Variants in PRKAB2 observed in about 807,000 individuals in gnomAD.
PRKAB2 encodes 5'-AMP-activated protein kinase subunit beta-2.
PRKAB2 carries 18 observed loss-of-function variants against 29.8 expected under a neutral mutation model. The observed-to-expected ratio is 0.60, with a 90% CI of 0.42 to 0.89. PRKAB2 has a LOEUF of 0.89. Ranked by LOEUF, PRKAB2 falls within the 40% of genes least tolerant of loss-of-function variation. PRKAB2 has a pLI of 0.00. For synonymous variants in PRKAB2, 136 were observed against 125.9 expected, an observed-to-expected ratio of 1.08 and a Z score of -0.54; for missense variants, 270 against 344.3, an observed-to-expected ratio of 0.78 and a Z score of 1.71.
rs1456686975 is a variant in PRKAB2, at chr1:147,162,475, G to A, written c.637C>T (p.Leu213Phe). 6.2e-7 allele frequency: 1 copy of A among 1,612,220 alleles called. No homozygotes were observed. Residue 213 changes from leucine (L) to phenylalanine (F), a missense_variant, in exon 6 of 8, where the codon CTT (leucine) becomes TTT (phenylalanine). Coordinates refer to ENST00000254101, the MANE Select transcript of PRKAB2 (RefSeq NM_005399.5). ...KSPPILPPHL[L>F]QVILNKDTNI... ...GTGTCTTTGTTAAGAATAACTTGAA[G>A]TAGATGAGGAGGAAGGATGGGTGGG...
Position 147,172,174 on chromosome 1 carries a change from C to T in PRKAB2, c.-23-7G>A. ...GCAGCTCGTCGGGGACCACCTACCG[C>T]GGGGAACGACACCGGGCTGGGAACA... On this transcript the variant is annotated splice_polypyrimidine_tract_variant and splice_region_variant and intron_variant, in intron 1 of 7. Transcript: ENST00000254101. The T allele has an allele frequency of 6.5e-7, 1 of 1,528,654 alleles. No homozygotes were observed. The highest frequency in any genetic ancestry group is 1.2e-5 in the South Asian group (1 of 80,872). 94.7% of individuals were successfully genotyped at this position (1,528,654 alleles called of 1,614,324 possible).
Position 147,167,843 on chromosome 1 carries a change from A to C in PRKAB2, c.247T>G (p.Trp83Gly). 6.2e-7 allele frequency: 1 copy of C among 1,614,208 alleles called. No homozygotes were observed. The change falls in exon 3 of 8, where the codon TGG (tryptophan) becomes GGG (glycine). Residue 83 changes from tryptophan (W) to glycine (G), a missense_variant. Trp to Gly is a radical substitution (Grantham distance 184, BLOSUM62 -2). Transcript: ENST00000254101. ...TQQARPTVIR[W>G]SEGGKEVFIS... ...AAGACCTCCTTGCCTCCTTCAGACCAGCGGATAACAGTGGGCCGGGCCTGC... is the reference window on the plus strand; with the variant it reads ...AAGACCTCCTTGCCTCCTTCAGACCCGCGGATAACAGTGGGCCGGGCCTGC...
chr1:147,165,668 G>A lies in PRKAB2; in HGVS notation c.538+830C>T, dbSNP rs587717130. Among the ~76,000 whole-genome samples, 184 of 151,938 alleles carry A rather than the reference G, an allele frequency of 1.2e-3. 1 individual carries two copies. Among genetic ancestry groups the A allele is most frequent in the Admixed American group, 3.1e-3 (47 of 15,266 alleles). Reference sequence around the variant, plus strand: ...ATAGCAATTGTAAGCAGAGATGAAGGCCTTGGCTCAAATAATATTAGAGGA... The same window carrying A: ...ATAGCAATTGTAAGCAGAGATGAAGACCTTGGCTCAAATAATATTAGAGGA... On this transcript the variant is annotated intron_variant, in intron 5 of 7. Coordinates refer to ENST00000254101, the MANE Select transcript of PRKAB2 (RefSeq NM_005399.5).
rs1224931525 is a variant in PRKAB2, at chr1:147,156,443, T to A, written c.*3122A>T. 1 of 152,352 alleles carries A rather than the reference T, an allele frequency of 6.6e-6. No homozygotes were observed. The highest frequency in any genetic ancestry group is 1.5e-5 in the Non-Finnish European group (1 of 68,018). 9.4% of individuals were successfully genotyped at this position (152,352 alleles called of 1,614,324 possible). On this transcript the variant is annotated 3_prime_UTR_variant, in exon 8 of 8. Transcript: ENST00000254101. ...TTTCAAAGTTTTTATCCCAGACCCA[T>A]TAGATCTACAAGATACTAGAAAGAA...
chr1:147,162,295 A>G (rs1193775962), intron 6 of PRKAB2, 145 bp downstream of exon 6: 15 of 803,058 alleles, frequency 1.9e-5, no homozygotes, highest in Non-Finnish European at 1.8e-5. Flanking sequence ...CCACTGGAAA[A>G]AGGAAATCTG....
intron 2 of PRKAB2, among the ~76,000 whole-genome samples, chr1:147,168,572 A>G (rs1489545630): frequency 6.6e-6 from 1 of 152,228 alleles, no homozygotes; most frequent in Admixed American, 6.5e-5. Flanking sequence ...TTATTTCAGG[A>G]GTAGGAATAA....
Position 147,155,362 on chromosome 1 carries a change from T to C in PRKAB2, c.*4203A>G, listed in dbSNP as rs1044101272. On this transcript the variant is annotated 3_prime_UTR_variant, in exon 8 of 8. Coordinates refer to ENST00000254101, the MANE Select transcript of PRKAB2 (RefSeq NM_005399.5). ...TTTAATTCCCTTCAAAGTAGTCTTATCTCTCCTTTCTGACAGACACAGAGC... is the reference window on the plus strand; with the variant it reads ...TTTAATTCCCTTCAAAGTAGTCTTACCTCTCCTTTCTGACAGACACAGAGC... 6.6e-6 allele frequency: 1 copy of C among 152,554 alleles called. No individual in the cohort carries two copies. Among genetic ancestry groups the C allele is most frequent in the Non-Finnish European group, 1.5e-5 (1 of 68,008 alleles). 9.5% of individuals were successfully genotyped at this position (152,554 alleles called of 1,614,324 possible).
intron 1 of PRKAB2, 90 bp downstream of exon 1, chr1:147,172,339 G>A (rs1243313866): frequency 1.4e-6 from 1 of 705,020 alleles, no homozygotes; most frequent in Non-Finnish European, 2.2e-6. Context: ...ATACCCCGGT[G>A]CCCTCACTGG....
Position 147,159,143 on chromosome 1 carries a change from GC to G in PRKAB2, c.*421del. ...AGCTGTTAAGTAGGGCAGCGGTCTA[GC>G]ACAAGCCCATTCCTTGGAGAGCCAA... On this transcript the variant is annotated 3_prime_UTR_variant, in exon 8 of 8. Transcript: ENST00000254101. The G allele has an allele frequency of 5.8e-6, 1 of 173,066 alleles. No individual in the cohort carries two copies. Among genetic ancestry groups the G allele is most frequent in the Non-Finnish European group, 1.3e-5 (1 of 79,786 alleles). The allele number at this position is 173,066 out of a possible 1,614,324, so 10.7% of individuals were successfully genotyped here. A position where few individuals can be genotyped will look rare whatever the true frequency, so the allele number is the denominator to read the frequency against.
At chr1:147,169,163 C>T (rs946440423) in intron 2 of PRKAB2, among the ~76,000 whole-genome samples, 3 of 152,072 alleles carry the variant, frequency 2.0e-5, no homozygotes, top group Admixed American at 6.6e-5. Flanking sequence ...CTAAATATTA[C>T]TAAATTGAAT....
chr1:147,161,193 A>C (rs1571053536), intron 7 of PRKAB2, among the ~76,000 whole-genome samples: 1 of 152,194 alleles, frequency 6.6e-6, no homozygotes, highest in African/African-American at 2.4e-5. Flanking sequence ...CAGACTCTAA[A>C]GCAGCAGAAA....
Position 147,172,468 on chromosome 1 carries a change from G to T in PRKAB2, c.-63C>A. ...TCCCTCCTCCAAGGGCCACTGATGT[G>T]ATGGCTGTTCTGCAGATCAGGCCAC... is the stretch of plus-strand genomic sequence containing the variant. On this transcript the variant is annotated 5_prime_UTR_variant, in exon 1 of 8. Coordinates refer to ENST00000254101, the MANE Select transcript of PRKAB2 (RefSeq NM_005399.5). 2 of 423,252 alleles carry T rather than the reference G, an allele frequency of 4.7e-6. No individual in the cohort carries two copies. The highest frequency in any genetic ancestry group is 3.5e-5 in the South Asian group (1 of 28,778). The allele number at this position is 423,252 out of a possible 1,614,324, so 26.2% of individuals were successfully genotyped here. A position where few individuals can be genotyped will look rare whatever the true frequency, so the allele number is the denominator to read the frequency against.
intron 5 of PRKAB2, among the ~76,000 whole-genome samples, chr1:147,164,585 C>T (rs782226194): frequency 6.6e-6 from 1 of 152,126 alleles, no homozygotes; most frequent in Non-Finnish European, 1.5e-5. Flanking sequence ...TTTGTTATTT[C>T]GTCACATGAT....
rs782648823 is a variant in PRKAB2 at position 147,159,525 on chromosome 1, G to A, written c.*40C>T. On this transcript the variant is annotated 3_prime_UTR_variant, in exon 8 of 8. Transcript: ENST00000254101. ...TGGTTCAGTCCAGAAATGCAAGGGA[G>A]ATGCTTCTCCTGAATCCTTAGAGGC... is the stretch of plus-strand genomic sequence containing the variant. 9.9e-5 allele frequency: 155 copies of A among 1,562,226 alleles called. No homozygotes were observed. Among genetic ancestry groups the A allele is most frequent in the Non-Finnish European group, 1.3e-4 (145 of 1,134,402 alleles).
chr1:147,163,405 A>G (rs1252364068), intron 5 of PRKAB2, among the ~76,000 whole-genome samples: 2 of 152,250 alleles, frequency 1.3e-5, no homozygotes, highest in African/African-American at 4.8e-5. Flanking sequence ...AGTGTTCATA[A>G]TAGCATTATT....
chr1:147,170,728 CACCAGCA>C (rs1654484622), intron 2 of PRKAB2, among the ~76,000 whole-genome samples: 9 of 152,098 alleles, frequency 5.9e-5, no homozygotes, highest in Non-Finnish European at 1.0e-4. Context: ...TACAGGCATG[CACCAGCA>C]TGCCCGGCTA....
chr1:147,171,603 T>C (rs1165015700), intron 2 of PRKAB2, among the ~76,000 whole-genome samples: 4 of 152,172 alleles, frequency 2.6e-5, no homozygotes, highest in African/African-American at 9.7e-5. Flanking sequence ...GGTGAGAAAC[T>C]ACCACCTATG....
At chr1:147,171,716 G>T (rs1359455104) in intron 2 of PRKAB2, among the ~76,000 whole-genome samples, 1 of 152,112 alleles carries the variant, frequency 6.6e-6, no homozygotes, top group African/African-American at 2.4e-5. Context: ...TCGGAGGATC[G>T]GGGATGGGGG....
At chr1:147,166,369 GTC>G (rs1306125153) in intron 5 of PRKAB2, 127 bp downstream of exon 5, 158 of 559,432 alleles carry the variant, frequency 2.8e-4, no homozygotes, top group South Asian at 5.9e-4. Context: ...AAAAATCTCT[GTC>G]TCTCTCTCTC....
Sources: allele counts gnomAD v4.1 joint callset (sites outside exome capture counted in the v4.1 genomes callset), GRCh38; gene constraint gnomAD v4.1.1; transcripts MANE v1.5; gene names NCBI Gene and HGNC (gene_info 2026-07-23, HGNC 2026-07-21).